CSMD3: variants seen among roughly 807,000 people sequenced by gnomAD.
CSMD3 encodes CUB and sushi domain-containing protein 3.
A neutral mutation model predicts 435.2 loss-of-function variants in CSMD3; 177 were observed. That is an observed-to-expected ratio of 0.41 (90% CI 0.36 to 0.46). CSMD3 has a LOEUF of 0.46. Among genes scored for constraint, CSMD3 ranks in the 20% least tolerant of loss-of-function variants. The pLI is 0.34. For missense variants in CSMD3, 4,265 were observed against 4,504.6 expected (o/e 0.95, Z 1.52); for synonymous variants, 1,656 against 1,520.5 (o/e 1.09, Z -2.07).
chr8:112,656,713 AGATT>A (rs1156381299), intron 17 of CSMD3, among the ~76,000 whole-genome samples: 1 of 152,154 alleles, frequency 6.6e-6, no homozygotes, highest in Non-Finnish European at 1.5e-5. Context: ...TCAGATAATT[AGATT>A]ATCATCTTAA....
At chr8:113,161,219 A>G (rs1006006882) in intron 4 of CSMD3, among the ~76,000 whole-genome samples, 4 of 152,146 alleles carry the variant, frequency 2.6e-5, no homozygotes, top group East Asian at 3.9e-4. Flanking sequence ...CATTGCTTCA[A>G]TGAATTCAAA....
chr8:112,425,928 A>C (rs1813023098), intron 32 of CSMD3, among the ~76,000 whole-genome samples: 1 of 152,218 alleles, frequency 6.6e-6, no homozygotes, highest in Admixed American at 6.5e-5. Context: ...AGAAACACAC[A>C]CTGAAGTTTG....
At chr8:112,508,740 C>T (rs1822790075) in intron 28 of CSMD3, among the ~76,000 whole-genome samples, 1 of 152,136 alleles carries the variant, frequency 6.6e-6, no homozygotes, top group Non-Finnish European at 1.5e-5. Context: ...AGTCCCTTCC[C>T]TGCTCCTTGC....
chr8:113,391,313 T>C (rs1345637060), intron 1 of CSMD3, among the ~76,000 whole-genome samples: 1 of 151,988 alleles, frequency 6.6e-6, no homozygotes, highest in African/African-American at 2.4e-5. Context: ...CTCAAATTGG[T>C]TTAGTATAAT....
intron 13 of CSMD3, among the ~76,000 whole-genome samples, chr8:112,716,617 T>C (rs765108994): frequency 7.2e-5 from 11 of 152,004 alleles, no homozygotes; most frequent in Non-Finnish European, 1.2e-4. Context: ...CGTATAGCCA[T>C]GACAATCCTA....
chr8:112,996,589 T>C (rs544374926), intron 6 of CSMD3, among the ~76,000 whole-genome samples: 1 of 151,720 alleles, frequency 6.6e-6, no homozygotes, highest in African/African-American at 2.4e-5. Flanking sequence ...AATTAAGTAG[T>C]TTCTTTGATA....
At chr8:112,602,274 A>C (rs1832418894) in intron 22 of CSMD3, among the ~76,000 whole-genome samples, 1 of 152,170 alleles carries the variant, frequency 6.6e-6, no homozygotes, top group Admixed American at 6.5e-5. Flanking sequence ...GGGTTAGGGG[A>C]TTGACTCTCT....
chr8:113,171,770 G>A (rs1287861842), intron 4 of CSMD3, among the ~76,000 whole-genome samples: 1 of 152,136 alleles, frequency 6.6e-6, no homozygotes, highest in Non-Finnish European at 1.5e-5. Flanking sequence ...GAATGCTCAT[G>A]TTTCTGCATA....
rs35840130 is a variant in CSMD3 at position 113,218,466 on chromosome 8, C to CAA, written c.515-44552_515-44551dup. Among the ~76,000 whole-genome samples, 748 of 94,810 alleles carry CAA rather than the reference C, an allele frequency of 7.9e-3. 8 individuals carry two copies. Among genetic ancestry groups the CAA allele is most frequent in the African/African-American group, 0.022 (700 of 31,732 alleles). 62.2% of individuals were successfully genotyped at this position (94,810 alleles called of 152,430 possible). A position where few individuals can be genotyped will look rare whatever the true frequency, so the allele number is the denominator to read the frequency against. Reference sequence around the variant, plus strand: ...CTTTTAAAAAATCAGTAAAGTGCTACAAAAAAAAAAAAAAAGAATACTATG... The same window carrying CAA: ...CTTTTAAAAAATCAGTAAAGTGCTACAAAAAAAAAAAAAAAAAGAATACTATG... On this transcript the variant is annotated intron_variant, in intron 3 of 70. Coordinates refer to ENST00000297405, the MANE Select transcript of CSMD3 (RefSeq NM_198123.2).
At chr8:112,399,309 G>A (rs1053750421) in intron 35 of CSMD3, among the ~76,000 whole-genome samples, 10 of 150,080 alleles carry the variant, frequency 6.7e-5, no homozygotes, top group African/African-American at 2.0e-4. Context: ...CAGCCAGGCT[G>A]GAGTGCAATG....
At chr8:113,195,219 T>G (rs529459381) in intron 3 of CSMD3, among the ~76,000 whole-genome samples, 77 of 150,922 alleles carry the variant, frequency 5.1e-4, no homozygotes, top group African/African-American at 1.7e-3. Flanking sequence ...CATTACCCTA[T>G]TCCAAGCTTT....
At chr8:113,373,832 T>C (rs764460094) in intron 1 of CSMD3, among the ~76,000 whole-genome samples, 44 of 152,134 alleles carry the variant, frequency 2.9e-4, no homozygotes, top group African/African-American at 4.1e-4. Flanking sequence ...CTATGATATA[T>C]TGTTCCCTGT....
chr8:113,128,542 A>T (rs1385139797), intron 4 of CSMD3, among the ~76,000 whole-genome samples: 1 of 152,022 alleles, frequency 6.6e-6, no homozygotes, highest in African/African-American at 2.4e-5. Context: ...GAATTTATTA[A>T]AATTATACAG....
chr8:113,171,473 T>C (rs2092266765), intron 4 of CSMD3, among the ~76,000 whole-genome samples: 1 of 152,160 alleles, frequency 6.6e-6, no homozygotes, highest in South Asian at 2.1e-4. Context: ...AAAGTACTTC[T>C]TAGTTTTAAG....
Position 112,244,382 on chromosome 8 carries a change from G to C in CSMD3, c.10402+12C>G. ...TCTCTTGTGTTAAAAAGATTCTATA[G>C]AGAAAACTTACCTTCACAAATGGGA... On this transcript the variant is annotated intron_variant, in intron 65 of 70. Transcript: ENST00000297405. The C allele has an allele frequency of 1.2e-6, 2 of 1,607,044 alleles. No individual in the cohort carries two copies. Among genetic ancestry groups the C allele is most frequent in the Non-Finnish European group, 8.5e-7 (1 of 1,174,176 alleles).
chr8:112,504,663 C>T (rs1420518929), intron 29 of CSMD3, among the ~76,000 whole-genome samples: 2 of 152,016 alleles, frequency 1.3e-5, no homozygotes, highest in Non-Finnish European at 2.9e-5. Context: ...GATATTTTAG[C>T]ATGTAAATGA....
At chr8:113,223,980 C>T (rs1311062108) in intron 3 of CSMD3, among the ~76,000 whole-genome samples, 1 of 150,990 alleles carries the variant, frequency 6.6e-6, no homozygotes, top group Non-Finnish European at 1.5e-5. Context: ...TGATCATCCA[C>T]ATTTTTTCTA....
chr8:112,251,339 CA>C (rs1815240252), intron 63 of CSMD3, among the ~76,000 whole-genome samples: 1 of 151,478 alleles, frequency 6.6e-6, no homozygotes, highest in Non-Finnish European at 1.5e-5. Context: ...ATAAAATTGA[CA>C]CAGAAAGGCA....
chr8:112,645,389 A>G (rs947741732), intron 19 of CSMD3, among the ~76,000 whole-genome samples, 164 bp from the exon 20 acceptor site: 4 of 152,222 alleles, frequency 2.6e-5, no homozygotes, highest in Admixed American at 1.3e-4. Context: ...AAGTGTACTC[A>G]GTAGCATCTG....
Sources: gnomAD v4.1 joint callset for allele counts (sites outside exome capture counted in the v4.1 genomes callset) on GRCh38, gnomAD v4.1.1 for gene constraint, MANE v1.5 for transcripts, NCBI Gene and HGNC (gene_info 2026-07-23, HGNC 2026-07-21) for gene names.